Variants in APBA2 observed in about 807,000 individuals in gnomAD.
APBA2 encodes the protein amyloid-beta A4 precursor protein-binding family A member 2.
In APBA2, 30 loss-of-function variants were observed where a neutral mutation model predicts 75.0. That is an observed-to-expected ratio of 0.40 (90% CI 0.30 to 0.54). The LOEUF (loss-of-function observed/expected upper bound fraction) is 0.54. Ranked by LOEUF, APBA2 falls within the 20% of genes least tolerant of loss-of-function variation. APBA2 has a pLI of 0.49. For synonymous variants in APBA2, 444 were observed against 409.6 expected (o/e 1.08, Z -1.01); for missense variants, 801 against 1,016.1 (o/e 0.79, Z 2.88).
chr15:28,953,401 TCCCACTCCCCCCGC>T (rs918648121), intron 2 of APBA2, among the ~76,000 whole-genome samples: 7 of 152,056 alleles, frequency 4.6e-5, no homozygotes, highest in Admixed American at 3.9e-4. Flanking sequence ...AGTCTCTTGC[TCCCACTCCCCCCGC>T]CCCACCCCCT....
At chr15:29,058,279 G>A (rs2041989753) in intron 4 of APBA2, among the ~76,000 whole-genome samples, 1 of 152,124 alleles carries the variant, frequency 6.6e-6, no homozygotes, top group Non-Finnish European at 1.5e-5. Context: ...GGGAGGCCAA[G>A]GTGGGCAAAT....
chr15:28,925,328 G>T (rs1301568802), intron 2 of APBA2, among the ~76,000 whole-genome samples: 3 of 152,294 alleles, frequency 2.0e-5, no homozygotes, highest in Admixed American at 6.5e-5. Context: ...AGAGGCAGTG[G>T]TATGTCATTT....
chr15:28,927,722 C>T (rs1184404278), intron 2 of APBA2, among the ~76,000 whole-genome samples: 4 of 151,826 alleles, frequency 2.6e-5, no homozygotes, highest in South Asian at 2.1e-4. Flanking sequence ...CCGCTGTGCC[C>T]GGTCTTCCCA....
chr15:28,981,855 G>C lies in APBA2; in HGVS notation c.-94-13898G>C, dbSNP rs959039655. On this transcript the variant is annotated intron_variant, in intron 2 of 14. Transcript: ENST00000683413. ...AAAGAACAAAGTCATGTCCTTTACA[G>C]CAACATAGATGCAGCTGGAGGCCAT... Among the ~76,000 whole-genome samples, 6 of 152,268 alleles carry C rather than the reference G, an allele frequency of 3.9e-5. No homozygotes were observed. The South Asian group carries it at 6.2e-4, about 16-fold the overall frequency.
chr15:28,955,180 A>G (rs1010746497), intron 2 of APBA2, among the ~76,000 whole-genome samples: 7 of 151,992 alleles, frequency 4.6e-5, no homozygotes, highest in African/African-American at 1.7e-4. Flanking sequence ...ATACCTCTAC[A>G]TTATAGACCT....
Position 29,117,206 on chromosome 15 carries a change from C to T in APBA2, c.*73C>T. 2.0e-6 allele frequency: 3 copies of T among 1,466,688 alleles called. No homozygotes were observed. Among genetic ancestry groups the T allele is most frequent in the African/African-American group, 2.8e-5 (2 of 71,954 alleles). 90.9% of individuals were successfully genotyped at this position (1,466,688 alleles called of 1,614,324 possible). A position where few individuals can be genotyped will look rare whatever the true frequency, so the allele number is the denominator to read the frequency against. On this transcript the variant is annotated 3_prime_UTR_variant, in exon 15 of 15. Transcript: ENST00000683413. ...GGGCCCAGAGGAGCTGGGAGCCGGG[C>T]CGCAGACTTGACCCCGACGCCACAG...
intron 10 of APBA2, among the ~76,000 whole-genome samples, chr15:29,103,838 C>G (rs1480421702): frequency 6.6e-6 from 1 of 152,210 alleles, no homozygotes. Flanking sequence ...TTCCCAAAGG[C>G]CCGACCCTCT....
intron 2 of APBA2, among the ~76,000 whole-genome samples, chr15:28,940,834 AC>A (rs1478716475): frequency 6.6e-6 from 1 of 152,224 alleles, no homozygotes; most frequent in Non-Finnish European, 1.5e-5. Context: ...TAAAGGAGCC[AC>A]CCTGGACTGT....
intron 13 of APBA2, among the ~76,000 whole-genome samples, chr15:29,109,430 TGCAGTGGGG>T (rs1428690030): frequency 6.6e-6 from 1 of 151,936 alleles, no homozygotes; most frequent in Non-Finnish European, 1.5e-5. Context: ...CAGTTTAATT[TGCAGTGGGG>T]GCGGTGGGGG....
At chr15:29,025,749 C>T (rs1038105669) in intron 3 of APBA2, among the ~76,000 whole-genome samples, 1 of 151,660 alleles carries the variant, frequency 6.6e-6, no homozygotes, top group South Asian at 2.1e-4. Flanking sequence ...GTCAGGAGTT[C>T]GAGGCCAGGC....
intron 4 of APBA2, among the ~76,000 whole-genome samples, chr15:29,061,903 AC>A (rs889057833): frequency 1.1e-4 from 16 of 152,174 alleles, no homozygotes; most frequent in African/African-American, 3.6e-4. Context: ...GGTTGTTGGC[AC>A]CCAGGCGCCC....
chr15:29,078,753 G>C (rs1423882802), intron 6 of APBA2, among the ~76,000 whole-genome samples: 1 of 152,090 alleles, frequency 6.6e-6, no homozygotes, highest in Non-Finnish European at 1.5e-5. Context: ...TCGTCACACA[G>C]TGTGTGGGCA....
At chr15:29,051,275 A>G (rs1197143729) in intron 3 of APBA2, among the ~76,000 whole-genome samples, 11 of 152,216 alleles carry the variant, frequency 7.2e-5, no homozygotes, top group Admixed American at 6.5e-4. Flanking sequence ...TCTAGGGAAC[A>G]GCTCTTTCGA....
At chr15:28,888,790 C>G (rs1415308633) in intron 1 of APBA2, among the ~76,000 whole-genome samples, 1 of 152,164 alleles carries the variant, frequency 6.6e-6, no homozygotes, top group African/African-American at 2.4e-5. Flanking sequence ...GCTGCGTGCC[C>G]TCCCCATGCA....
rs913412624 is a variant in APBA2 at position 29,071,051 on chromosome 15, A to G, written c.952-3870A>G. ...CAGCTCCTGACATGGCTGTCATTCC[A>G]GAGAGTGCTTGGAAGCATCCTGACT... On this transcript the variant is annotated intron_variant, in intron 4 of 14. Transcript: ENST00000683413. 2.2e-5 allele frequency: 10 copies of G among 456,680 alleles called. No individual in the cohort carries two copies. The East Asian group carries it at 4.2e-4, about 19-fold the overall frequency. The allele number at this position is 456,680 out of a possible 1,614,324, so 28.3% of individuals were successfully genotyped here.
intron 14 of APBA2, among the ~76,000 whole-genome samples, chr15:29,114,581 T>C (rs1212331835): frequency 2.0e-5 from 3 of 151,630 alleles, no homozygotes; most frequent in Non-Finnish European, 4.4e-5. Context: ...GGTGTGCGTG[T>C]GTGTGTGTGT....
chr15:28,934,157 C>T (rs1387278276), intron 2 of APBA2, among the ~76,000 whole-genome samples: 1 of 152,202 alleles, frequency 6.6e-6, no homozygotes, highest in Non-Finnish European at 1.5e-5. Flanking sequence ...GCCTTGGGAA[C>T]AGAGTGAAGA....
chr15:28,930,454 T>G lies in APBA2; in HGVS notation c.-95+8705T>G, dbSNP rs910497812. ...AGGCAATAGAAGGTTCTTTGGTTAC[T>G]TTCAGTCCCAGGAACATTGTTGGTC... On this transcript the variant is annotated intron_variant, in intron 2 of 14. Coordinates refer to ENST00000683413, the MANE Select transcript of APBA2 (RefSeq NM_001353788.2). Among the ~76,000 whole-genome samples the G allele has an allele frequency of 5.9e-5, 9 of 152,270 alleles. No homozygotes were observed. In the South Asian group the frequency reaches 1.7e-3, roughly 28 times the overall value.
Position 28,942,685 on chromosome 15 carries a change from CAT to C in APBA2, c.-95+20937_-95+20938del, listed in dbSNP as rs759853699. On this transcript the variant is annotated intron_variant, in intron 2 of 14. Transcript: ENST00000683413. ...CTTGCAACCATCAGACCCAGGGACA[CAT>C]GTGTGGCTCCTTCTCCAGTAAGCGA... Among the ~76,000 whole-genome samples, 35 of 152,338 alleles carry C rather than the reference CAT, an allele frequency of 2.3e-4. No individual in the cohort carries two copies. The East Asian group carries it at 3.7e-3, about 16-fold the overall frequency.
Sources: allele counts gnomAD v4.1 joint callset (sites outside exome capture counted in the v4.1 genomes callset), GRCh38; gene constraint gnomAD v4.1.1; transcripts MANE v1.5; gene names NCBI Gene and HGNC (gene_info 2026-07-23, HGNC 2026-07-21).